MYO15A: variants seen among roughly 807,000 people sequenced by gnomAD.
MYO15A encodes unconventional myosin-XV.
MYO15A carries 308 observed loss-of-function variants against 394.6 expected under a neutral mutation model. The observed-to-expected ratio is 0.78, with a 90% CI of 0.71 to 0.86. MYO15A has a LOEUF of 0.86. MYO15A is among the 40% of genes least tolerant of loss of function. The pLI, the probability that MYO15A is intolerant of heterozygous loss-of-function variation, is 0.00. For missense variants in MYO15A, 4,606 were observed against 4,799.1 expected, an observed-to-expected ratio of 0.96 and a Z score of 1.19; for synonymous variants, 1,957 against 2,003.8, an observed-to-expected ratio of 0.98 and a Z score of 0.62.
chr17:18,154,813 C>T (rs1047365751), intron 45 of MYO15A, 58 bp downstream of exon 45: 1 of 1,572,444 alleles, frequency 6.4e-7, no homozygotes, highest in Non-Finnish European at 8.7e-7. Flanking sequence ...CACAGCCAGC[C>T]CTGTCCCAGA....
At chr17:18,143,334 C>T (rs936677039) in intron 25 of MYO15A, among the ~76,000 whole-genome samples, 1 of 152,208 alleles carries the variant, frequency 6.6e-6, no homozygotes, top group Non-Finnish European at 1.5e-5. Flanking sequence ...CAGCGTTTTT[C>T]TCCCTCCGCT....
rs1367909038 is a variant in MYO15A at position 18,148,930 on chromosome 17, G to T, written c.6934G>T (p.Ala2312Ser). ...CATTGTGGGCACAGAGGGGCCTGCA[G>T]CCAGCAGGGGAGGCCCCAAAGTGTA... is the stretch of plus-strand genomic sequence containing the variant. ...YFIVGTEGPA[A>S]SRGGPKVVFG... The change falls in exon 33 of 66, where the codon GCC becomes TCC. Residue 2312 changes from alanine to serine, a missense_variant. Physicochemically the swap from Ala to Ser is moderately conservative, Grantham distance 99. Coordinates refer to ENST00000647165, the MANE Select transcript of MYO15A (RefSeq NM_016239.4). The surrounding 1 kb of genome is among the most constrained non-coding windows in gnomAD (Gnocchi z 4.8). 3 of 1,601,572 alleles carry T rather than the reference G, an allele frequency of 1.9e-6. No homozygotes were observed. The highest frequency in any genetic ancestry group is 2.6e-6 in the Non-Finnish European group (3 of 1,174,250).
chr17:18,163,098 C>A, intron 58 of MYO15A, 146 bp from the exon 59 acceptor site: 2 of 831,412 alleles, frequency 2.4e-6, no homozygotes, highest in East Asian at 2.4e-5. Flanking sequence ...GGCTTGCAGA[C>A]AGGCCCTGCG....
Position 18,148,790 on chromosome 17 carries a change from C to G in MYO15A, c.6794C>G (p.Thr2265Ser). Residue 2265 changes from threonine to serine, a missense_variant, in exon 33 of 66, where the codon ACC (threonine) becomes AGC (serine). Thr to Ser is a moderately conservative substitution (Grantham distance 58, BLOSUM62 1). Around this residue, in one of 2 missense-constraint regions of MYO15A, gnomAD observed 2,776 missense variants for 3,109.3 expected, o/e 0.89. Coordinates refer to ENST00000647165, the MANE Select transcript of MYO15A (RefSeq NM_016239.4). The surrounding 1 kb of genome is among the most constrained non-coding windows in gnomAD (Gnocchi z 4.8). The stretch of plus-strand genomic sequence containing the variant: ...CTGGCAGATGGCTGGCGCGGCTGGA[C>G]CGTGGCCATGAAGAATGGTGTCCAG... ...RGLADGWRGWTVAMKNGVQWA... is the reference protein window; with the variant it reads ...RGLADGWRGWSVAMKNGVQWA... 6.2e-7 allele frequency: 1 copy of G among 1,603,388 alleles called. No homozygotes were observed. Among genetic ancestry groups the G allele is most frequent in the Non-Finnish European group, 8.5e-7 (1 of 1,174,774 alleles).
At chr17:18,128,026 G>A (rs888041316) in intron 7 of MYO15A, among the ~76,000 whole-genome samples, 3 of 151,848 alleles carry the variant, frequency 2.0e-5, no homozygotes, top group Non-Finnish European at 2.9e-5. Flanking sequence ...AAAGTCTAGG[G>A]GAACAGTGAA....
intron 65 of MYO15A, among the ~76,000 whole-genome samples, chr17:18,175,314 A>C (rs1431426720): frequency 1.8e-4 from 6 of 33,526 alleles, no homozygotes; most frequent in African/African-American, 4.1e-4. Flanking sequence ...TTTTTGAGGC[A>C]AAGTCTTGCT....
rs1411125563 is a variant in MYO15A, at chr17:18,120,449, G to A, written c.1649G>A (p.Gly550Asp). 1.3e-6 allele frequency: 2 copies of A among 1,580,140 alleles called. No homozygotes were observed. The highest frequency in any genetic ancestry group is 2.3e-5 in the East Asian group (1 of 43,440). ...RNLQRALSAFGAHRGLGFGPE... is the reference protein window; with the variant it reads ...RNLQRALSAFDAHRGLGFGPE... ...CTCCAGCGCGCGCTGTCGGCCTTCG[G>A]CGCCCACCGGGGCCTGGGCTTCGGC... The change falls in exon 2 of 66, where the codon GGC (glycine) becomes GAC (aspartate). Residue 550 changes from glycine to aspartate, a missense_variant. Physicochemically the swap from Gly to Asp is moderately conservative, Grantham distance 94 (BLOSUM62 -1). Coordinates refer to ENST00000647165, the MANE Select transcript of MYO15A (RefSeq NM_016239.4).
chr17:18,125,246 TGGCCCTGCCCTGGGCCTA>T lies in MYO15A; in HGVS notation c.3756+18_3756+35del. The T allele has an allele frequency of 6.2e-7, 1 of 1,613,582 alleles. No homozygotes were observed. Among genetic ancestry groups the T allele is most frequent in the Non-Finnish European group, 8.5e-7 (1 of 1,179,612 alleles). ...ACCTCATCTACGTAAGGCCTGGGGCTGGCCCTGCCCTGGGCCTAGGTCAGGAAGGCAGCTGCCTCCTGG... is the reference window on the plus strand; with the variant it reads ...ACCTCATCTACGTAAGGCCTGGGGCTGGTCAGGAAGGCAGCTGCCTCCTGG... On this transcript the variant is annotated intron_variant, in intron 4 of 65. Coordinates refer to ENST00000647165, the MANE Select transcript of MYO15A (RefSeq NM_016239.4).
chr17:18,157,560 T>C, intron 50 of MYO15A, 162 bp from the exon 51 acceptor site: 2 of 1,382,276 alleles, frequency 1.4e-6, no homozygotes, highest in South Asian at 1.5e-5. Flanking sequence ...TCCCTTTCTT[T>C]CCCTGAGCCT....
intron 42 of MYO15A, among the ~76,000 whole-genome samples, chr17:18,152,419 C>T (rs1298793425): frequency 1.3e-5 from 2 of 152,124 alleles, no homozygotes; most frequent in African/African-American, 2.4e-5. Context: ...ACTGTTGTTC[C>T]TACATGTTGC....
chr17:18,132,457 A>G lies in MYO15A; in HGVS notation c.4211A>G (p.Lys1404Arg). The change falls in exon 11 of 66, where the codon AAA becomes AGA. Residue 1404 changes from lysine to arginine, a missense_variant. This residue lies in a region of MYO15A where 2,776 missense variants were observed against 3,109.3 expected (regional missense o/e 0.89). Transcript: ENST00000647165. The surrounding 1 kb of genome is among the most constrained non-coding windows in gnomAD (Gnocchi z 4.6). ...LEKSRIVFQA[K>R]NERNYHIFYE... is the part of the protein sequence containing the mutation. Reference sequence around the variant, plus strand: ...GCCCACCTACCCACTCTACAGGCCAAAAACGAGAGGAATTACCACATCTTC... The same window carrying G: ...GCCCACCTACCCACTCTACAGGCCAGAAACGAGAGGAATTACCACATCTTC... The G allele has an allele frequency of 6.2e-7, 1 of 1,613,934 alleles. No individual in the cohort carries two copies. Among genetic ancestry groups the G allele is most frequent in the Non-Finnish European group, 8.5e-7 (1 of 1,180,022 alleles).
Position 18,179,031 on chromosome 17 carries a change from G to A in MYO15A, c.*161G>A, listed in dbSNP as rs2047054422. On this transcript the variant is annotated 3_prime_UTR_variant, in exon 66 of 66. Coordinates refer to ENST00000647165, the MANE Select transcript of MYO15A (RefSeq NM_016239.4). Reference sequence around the variant, plus strand: ...GCAACTCAAATCCCCAAGAACACAAGAAGACCCATCCTGAACTGGGATGGA... The same window carrying A: ...GCAACTCAAATCCCCAAGAACACAAAAAGACCCATCCTGAACTGGGATGGA... 1 of 722,006 alleles carries A rather than the reference G, an allele frequency of 1.4e-6. No homozygotes were observed. Among genetic ancestry groups the A allele is most frequent in the Non-Finnish European group, 2.4e-6 (1 of 415,970 alleles). The allele number at this position is 722,006 out of a possible 1,614,324, so 44.7% of individuals were successfully genotyped here.
At chr17:18,158,875 T>A in intron 52 of MYO15A, 50 bp from the exon 53 acceptor site, 15 of 1,604,574 alleles carry the variant, frequency 9.3e-6, no homozygotes, top group Non-Finnish European at 1.3e-5. Context: ...GAAAAGGATG[T>A]AGCCAAGGCT....
In MYO15A at chr17:18,121,644, C is replaced by T; in HGVS notation, c.2844C>T (p.Gly948=). The T allele has an allele frequency of 6.5e-7, 1 of 1,541,824 alleles. No individual in the cohort carries two copies. Among genetic ancestry groups the T allele is most frequent in the Non-Finnish European group, 8.8e-7 (1 of 1,138,296 alleles). ...CCTCCCCCTGGCCAGGAGGTGCAGG[C>T]AGCCGCCGAGGCTTTTCCAGGCCAC... ...RPPSPWPGGA[G]SRRGFSRPPP... The change falls in exon 2 of 66, where the codon GGC becomes GGT. Residue 948 remains glycine (G), a synonymous_variant. Coordinates refer to ENST00000647165, the MANE Select transcript of MYO15A (RefSeq NM_016239.4). The surrounding 1 kb of genome is among the most constrained non-coding windows in gnomAD (Gnocchi z 5.3).
In MYO15A at chr17:18,154,607, C is replaced by G. The variant is rs971609874; in HGVS notation, c.8149-73C>G. ...GGACCCCTCCCACATTGCCACTCACCCTAGTATAGTCCAGCCTGGGTCCCA... is the reference window on the plus strand; with the variant it reads ...GGACCCCTCCCACATTGCCACTCACGCTAGTATAGTCCAGCCTGGGTCCCA... On this transcript the variant is annotated intron_variant, in intron 44 of 65. Coordinates refer to ENST00000647165, the MANE Select transcript of MYO15A (RefSeq NM_016239.4). 7 of 1,499,254 alleles carry G rather than the reference C, an allele frequency of 4.7e-6. No homozygotes were observed. In the Admixed American group the frequency reaches 1.2e-4, roughly 25 times the overall value. The allele number at this position is 1,499,254 out of a possible 1,614,324, so 92.9% of individuals were successfully genotyped here.
chr17:18,146,954 T>C (rs1184170808), intron 30 of MYO15A, among the ~76,000 whole-genome samples: 1 of 152,088 alleles, frequency 6.6e-6, no homozygotes, highest in Non-Finnish European at 1.5e-5. Flanking sequence ...ATAATGATAA[T>C]ACCTACTTCA....
chr17:18,152,388 A>G (rs1463546912), intron 42 of MYO15A, among the ~76,000 whole-genome samples: 1 of 152,084 alleles, frequency 6.6e-6, no homozygotes, highest in Non-Finnish European at 1.5e-5. Context: ...ATGTAATCCT[A>G]CCAGAACCCT....
At chr17:18,164,272 G>C (rs998527119) in intron 60 of MYO15A, 12 of 263,022 alleles carry the variant, frequency 4.6e-5, no homozygotes, top group Non-Finnish European at 6.7e-5. Flanking sequence ...AGCCCCTCTC[G>C]AGGGCTCCTG....
Position 18,157,223 on chromosome 17 carries a change from C to G in MYO15A, c.8781C>G (p.Pro2927=), listed in dbSNP as rs376495526. The G allele has an allele frequency of 1.2e-6, 2 of 1,604,576 alleles. No individual in the cohort carries two copies. The highest frequency in any genetic ancestry group is 8.5e-7 in the Non-Finnish European group (1 of 1,175,530). ...TGGAGGAGCTGCGACGTAGAGGCCC[C>G]GACTTTGGTGTGTGCCCCAGAACCT... ...VYLEELRRRG[P]DFGWRFGTIH... Residue 2927 remains proline, a synonymous_variant, in exon 50 of 66, where the codon CCC becomes CCG. Transcript: ENST00000647165.
Sources: allele counts gnomAD v4.1 joint callset (sites outside exome capture counted in the v4.1 genomes callset), GRCh38; gene constraint gnomAD v4.1.1; regional missense constraint gnomAD v4.1.1; non-coding constraint Gnocchi (gnomAD v3.1); transcripts MANE v1.5; gene names NCBI Gene and HGNC (gene_info 2026-07-23, HGNC 2026-07-21).